Variants in TATDN2 observed in about 807,000 individuals in gnomAD.
TATDN2 encodes the protein TatD DNase domain containing 2.
In TATDN2, 44 loss-of-function variants were observed where a neutral mutation model predicts 60.3. The ratio of observed to expected loss-of-function variants is 0.73; its 90% CI spans 0.57 to 0.94. The LOEUF is 0.94. Ranked by LOEUF, TATDN2 falls within the 40% of genes least tolerant of loss-of-function variation. The probability of loss-of-function intolerance (pLI) is 0.00; values close to 1 mark genes in which losing one functional copy is unlikely to be tolerated. For missense variants in TATDN2, 997 were observed against 948.0 expected, an observed-to-expected ratio of 1.05 and a Z score of -0.68; for synonymous variants, 399 against 355.8, an observed-to-expected ratio of 1.12 and a Z score of -1.37.
At chr3:10,255,202 G>A (rs1023938446) in intron 2 of TATDN2, among the ~76,000 whole-genome samples, 4 of 148,950 alleles carry the variant, frequency 2.7e-5, no homozygotes, top group African/African-American at 9.8e-5. Flanking sequence ...TGTAGAGAGG[G>A]GTTTTTTTGC....
intron 2 of TATDN2, among the ~76,000 whole-genome samples, chr3:10,256,256 C>A (rs1698306587): frequency 6.6e-6 from 1 of 152,124 alleles, no homozygotes; most frequent in Non-Finnish European, 1.5e-5. Context: ...TTACTGTGAC[C>A]TTGACCTTCC....
chr3:10,251,143 G>C (rs1698228323), intron 2 of TATDN2, among the ~76,000 whole-genome samples: 1 of 152,104 alleles, frequency 6.6e-6, no homozygotes, highest in South Asian at 2.1e-4. Flanking sequence ...AAGCACTTGA[G>C]GGTTATTGTG....
At chr3:10,264,006 G>A (rs978223869) in intron 3 of TATDN2, among the ~76,000 whole-genome samples, 2 of 152,146 alleles carry the variant, frequency 1.3e-5, no homozygotes, top group Non-Finnish European at 2.9e-5. Flanking sequence ...GGGCGGCTGC[G>A]GGGGCGGCGT....
At chr3:10,276,584 ATC>A (rs1698641201) in intron 5 of TATDN2, 96 bp downstream of exon 5, 1 of 1,447,362 alleles carries the variant, frequency 6.9e-7, no homozygotes, top group Non-Finnish European at 9.2e-7. Context: ...ATTATACACT[ATC>A]TATTCTTTTT....
intron 2 of TATDN2, among the ~76,000 whole-genome samples, chr3:10,259,114 T>G (rs1237551678): frequency 6.6e-6 from 1 of 152,122 alleles, no homozygotes; most frequent in Non-Finnish European, 1.5e-5. Context: ...CTAAGTGATC[T>G]TCCTGTCTTG....
chr3:10,260,405 A>G lies in TATDN2; in HGVS notation c.683A>G (p.Glu228Gly). Residue 228 changes from glutamate to glycine, a missense_variant, in exon 3 of 8, where the codon GAA becomes GGA. Coordinates refer to ENST00000448281, the MANE Select transcript of TATDN2 (RefSeq NM_014760.4). ...CATGGAGAAGGACCAGCCAGGAGTG[A>G]AGGACCAGCCAAGACTGCAGAAGGA... ...PSHGEGPARSEGPAKTAEGAA... is the reference protein window; with the variant it reads ...PSHGEGPARSGGPAKTAEGAA... 1 of 1,613,992 alleles carries G rather than the reference A, an allele frequency of 6.2e-7. No individual in the cohort carries two copies. The highest frequency in any genetic ancestry group is 8.5e-7 in the Non-Finnish European group (1 of 1,179,956).
chr3:10,264,111 C>T (rs1039826800), intron 3 of TATDN2, among the ~76,000 whole-genome samples: 8 of 152,154 alleles, frequency 5.3e-5, no homozygotes, highest in African/African-American at 1.7e-4. Flanking sequence ...GTTTTACTGT[C>T]TTCAAACAAC....
intron 2 of TATDN2, among the ~76,000 whole-genome samples, chr3:10,257,841 ATTTTTTTT>A (rs553265148): frequency 3.2e-3 from 96 of 30,292 alleles, no homozygotes; most frequent in Non-Finnish European, 5.5e-3. Context: ...AAGGTTTATG[ATTTTTTTT>A]TTTTTTTTTT....
chr3:10,253,798 C>T (rs149011738), intron 2 of TATDN2, among the ~76,000 whole-genome samples: 70 of 152,358 alleles, frequency 4.6e-4, no homozygotes, highest in African/African-American at 1.5e-3. Context: ...AGCACCTACT[C>T]TGTGTAGGCA....
At chr3:10,272,599 C>T (rs1033875323) in intron 4 of TATDN2, among the ~76,000 whole-genome samples, 7 of 152,292 alleles carry the variant, frequency 4.6e-5, no homozygotes, top group Middle Eastern at 3.4e-3. Flanking sequence ...CCACCACGCC[C>T]AGCTAATTTT....
At chr3:10,272,286 T>A (rs1172813725) in intron 4 of TATDN2, among the ~76,000 whole-genome samples, 1 of 151,044 alleles carries the variant, frequency 6.6e-6, no homozygotes, top group Non-Finnish European at 1.5e-5. Flanking sequence ...AAATAAAAAT[T>A]TTTTTGAGAT....
Position 10,276,463 on chromosome 3 carries a change from GT to G in TATDN2, c.1937del (p.Val646GlyfsTer23), listed in dbSNP as rs775082852. On this transcript the variant is annotated frameshift_variant, in exon 5 of 8. Coordinates refer to ENST00000448281, the MANE Select transcript of TATDN2 (RefSeq NM_014760.4). LOFTEE classifies it high-confidence loss of function. Reference sequence around the variant, plus strand: ...TCTGCTAGAAATCATGAAAAAGTTTGTGCCCCCTGACTACAAGATCCATAGG... The same window carrying G: ...TCTGCTAGAAATCATGAAAAAGTTTGGCCCCCTGACTACAAGATCCATAGG... The part of the protein sequence containing the change: ...EDLLEIMKKF[V>X]PPDYKIHRHC... 1 of 1,614,064 alleles carries G rather than the reference GT, an allele frequency of 6.2e-7. No homozygotes were observed. Among genetic ancestry groups the G allele is most frequent in the Admixed American group, 1.7e-5 (1 of 60,006 alleles).
Position 10,268,462 on chromosome 3 carries a change from C to T in TATDN2, c.949-1669C>T, listed in dbSNP as rs61035727. 2.5e-3 allele frequency among the ~76,000 whole-genome samples: 378 copies of T among 152,352 alleles called. 13 individuals carry two copies. In the East Asian group the frequency reaches 0.06, roughly 24 times the overall value. On this transcript the variant is annotated intron_variant, in intron 3 of 7. Coordinates refer to ENST00000448281, the MANE Select transcript of TATDN2 (RefSeq NM_014760.4). ...GAACTTTGTAAGGCCTCTTGCTCATCAAGCCTTCTGTCATTGGCAGGTATA... is the reference window on the plus strand; with the variant it reads ...GAACTTTGTAAGGCCTCTTGCTCATTAAGCCTTCTGTCATTGGCAGGTATA...
rs746442428 is a variant in TATDN2, at chr3:10,260,597, G to A, written c.875G>A (p.Arg292Lys). 1 of 1,614,128 alleles carries A rather than the reference G, an allele frequency of 6.2e-7. No individual in the cohort carries two copies. Among genetic ancestry groups the A allele is most frequent in the South Asian group, 1.1e-5 (1 of 91,086 alleles). The change falls in exon 3 of 8, where the codon AGG (arginine) becomes AAG (lysine). Residue 292 changes from arginine to lysine, a missense_variant. Arg to Lys is a conservative substitution (Grantham distance 26). Coordinates refer to ENST00000448281, the MANE Select transcript of TATDN2 (RefSeq NM_014760.4). Reference sequence around the variant, plus strand: ...AGTGAGGAGCCCCTTGGGGACCGAAGGACTGTCATTGACAAATGCTCTCCA... The same window carrying A: ...AGTGAGGAGCCCCTTGGGGACCGAAAGACTGTCATTGACAAATGCTCTCCA... Reference protein sequence around the residue: ...KPSEEPLGDRRTVIDKCSPPL... With the variant: ...KPSEEPLGDRKTVIDKCSPPL...
At position 10,270,944 on chromosome 3, in the gene TATDN2, G is replaced by T. The variant is rs1467322820; in HGVS notation, c.1762G>T (p.Ala588Ser). 1.9e-6 allele frequency: 3 copies of T among 1,613,786 alleles called. No homozygotes were observed. Among genetic ancestry groups the T allele is most frequent in the South Asian group, 1.1e-5 (1 of 91,046 alleles). ...NLLQALRHPK[A>S]VAFGEMGLDY... Reference sequence around the variant, plus strand: ...TTTGCAAGCCTTAAGGCACCCTAAGGCTGTGGCATTTGGAGAAATGGGCTT... The same window carrying T: ...TTTGCAAGCCTTAAGGCACCCTAAGTCTGTGGCATTTGGAGAAATGGGCTT... Residue 588 changes from alanine to serine, a missense_variant, in exon 4 of 8, where the codon GCT becomes TCT. Transcript: ENST00000448281.
intron 2 of TATDN2, among the ~76,000 whole-genome samples, chr3:10,254,014 G>T (rs1698267465): frequency 6.6e-6 from 1 of 152,242 alleles, no homozygotes; most frequent in African/African-American, 2.4e-5. Context: ...CTCCCTTGCG[G>T]AGCTCTCTGC....
Position 10,257,841 on chromosome 3 carries a change from A to ATT in TATDN2, c.415-2262_415-2261dup, listed in dbSNP as rs553265148. Among the ~76,000 whole-genome samples the ATT allele has an allele frequency of 6.4e-3, 194 of 30,246 alleles. 16 individuals are homozygous for ATT. Among genetic ancestry groups the ATT allele is most frequent in the Non-Finnish European group, 0.011 (155 of 14,370 alleles). 19.8% of individuals were successfully genotyped at this position (30,246 alleles called of 152,430 possible). On this transcript the variant is annotated intron_variant, in intron 2 of 7. Transcript: ENST00000448281. ...AAGTATAGATTTCTAAAGGTTTATG[A>ATT]TTTTTTTTTTTTTTTTTTTTTTTTT... is the stretch of plus-strand genomic sequence containing the variant.
intron 4 of TATDN2, among the ~76,000 whole-genome samples, chr3:10,275,378 A>G (rs1698619764): frequency 6.6e-6 from 1 of 152,240 alleles, no homozygotes; most frequent in Admixed American, 6.5e-5. Flanking sequence ...GAAGATTTAA[A>G]AGTGGGTAGT....
intron 4 of TATDN2, among the ~76,000 whole-genome samples, chr3:10,273,598 TAA>T (rs35623374): frequency 3.7e-4 from 54 of 147,502 alleles, no homozygotes; most frequent in Admixed American, 8.1e-4. Context: ...TTTATTACAT[TAA>T]AAAAAAAAAA....
Sources: allele counts gnomAD v4.1 joint callset (sites outside exome capture counted in the v4.1 genomes callset), GRCh38; gene constraint gnomAD v4.1.1; transcripts MANE v1.5; gene names NCBI Gene and HGNC (gene_info 2026-07-23, HGNC 2026-07-21).